KCTD19: variants seen among roughly 807,000 people sequenced by gnomAD.
The protein encoded by KCTD19 is potassium channel tetramerization domain containing 19.
Under a neutral mutation model 103.5 loss-of-function variants are expected in KCTD19, and 67 were observed. That is an observed-to-expected ratio of 0.65 (90% CI 0.53 to 0.79). The LOEUF (loss-of-function observed/expected upper bound fraction) is 0.79, where lower values mean the gene tolerates loss of function less well. Among genes scored for constraint, KCTD19 ranks in the 30% least tolerant of loss-of-function variants. The pLI, the probability that KCTD19 is intolerant of heterozygous loss-of-function variation, is 0.00. For synonymous variants in KCTD19, 439 were observed against 452.2 expected (o/e 0.97, Z 0.37); for missense variants, 980 against 1,136.1 (o/e 0.86, Z 1.98).
chr16:67,309,751 C>T lies in KCTD19; in HGVS notation c.301-5180G>A, dbSNP rs1333523060. On this transcript the variant is annotated intron_variant, in intron 2 of 15. Transcript: ENST00000304372. ...AGAAATCCCTGCCCAGGACAACACT[C>T]CTATTTGGAGGTGTTTGGTACTGGA... Among the ~76,000 whole-genome samples the T allele has an allele frequency of 2.0e-5, 3 of 152,104 alleles. No homozygotes were observed. In the East Asian group the frequency reaches 5.8e-4, roughly 29 times the overall value.
chr16:67,293,060 G>A lies in KCTD19; in HGVS notation c.2218+484C>T, dbSNP rs762381686. Among the ~76,000 whole-genome samples the A allele has an allele frequency of 3.9e-5, 6 of 152,138 alleles. No homozygotes were observed. Among genetic ancestry groups the A allele is most frequent in the Admixed American group, 1.3e-4 (2 of 15,274 alleles). On this transcript the variant is annotated intron_variant, in intron 12 of 15. Coordinates refer to ENST00000304372, the MANE Select transcript of KCTD19 (RefSeq NM_001100915.3). The surrounding 1 kb of genome is among the most constrained non-coding windows in gnomAD (Gnocchi z 4.0). ...AGCAAACTTTCTGATGGGCACACCT[G>A]ACCCCGTGCTCTTGTCTAAAATCCT...
intron 2 of KCTD19, among the ~76,000 whole-genome samples, chr16:67,319,688 TATAATAATAATA>T (rs34930442): frequency 1.1e-4 from 16 of 148,300 alleles, no homozygotes; most frequent in South Asian, 6.3e-4. Flanking sequence ...TTAAAGCTCT[TATAATAATAATA>T]ATAATAATAA....
chr16:67,324,912 G>C (rs1040596897), intron 1 of KCTD19, among the ~76,000 whole-genome samples: 29 of 152,152 alleles, frequency 1.9e-4, no homozygotes, highest in Admixed American at 1.6e-3. Flanking sequence ...AGCTAACCTA[G>C]AATTCTAAGT....
At chr16:67,296,073 A>G in intron 8 of KCTD19, 86 bp downstream of exon 8, 1 of 819,200 alleles carries the variant, frequency 1.2e-6, no homozygotes, top group Non-Finnish European at 2.2e-6. Flanking sequence ...AAGTGCTGGA[A>G]GCTGTGTGAG....
At chr16:67,304,364 GT>G in intron 3 of KCTD19, 56 bp downstream of exon 3, 1 of 1,561,696 alleles carries the variant, frequency 6.4e-7, no homozygotes, top group Non-Finnish European at 8.8e-7. Flanking sequence ...TTCTGTTAGG[GT>G]GAGGAGAGGG....
chr16:67,299,420 G>C lies in KCTD19; in HGVS notation c.929C>G (p.Thr310Arg). 6.2e-7 allele frequency: 1 copy of C among 1,614,260 alleles called. No individual in the cohort carries two copies. Among genetic ancestry groups the C allele is most frequent in the Non-Finnish European group, 8.5e-7 (1 of 1,180,040 alleles). Residue 310 changes from threonine (T) to arginine (R), a missense_variant, in exon 6 of 16, where the codon ACG becomes AGG. Coordinates refer to ENST00000304372, the MANE Select transcript of KCTD19 (RefSeq NM_001100915.3). ...SALGQLRIES[T>R]LDGSRLYITG... ...GATGTACAGTCGGCTTCCGTCTAGC[G>C]TGCTCTCGATGCGAAGCTGGCCCAG... is the stretch of plus-strand genomic sequence containing the variant.
At position 67,304,497 on chromosome 16, in the gene KCTD19, T is replaced by A; in HGVS notation, c.375A>T (p.Ala125=). The A allele has an allele frequency of 6.2e-7, 1 of 1,614,034 alleles. No individual in the cohort carries two copies. Among genetic ancestry groups the A allele is most frequent in the Non-Finnish European group, 8.5e-7 (1 of 1,179,884 alleles). Residue 125 remains alanine, a synonymous_variant, in exon 3 of 16, where the codon GCA becomes GCT. Coordinates refer to ENST00000304372, the MANE Select transcript of KCTD19 (RefSeq NM_001100915.3). ...TCCATGTACGCCAGTAGTTCAGAGA[T>A]GCTCTCTCAGCAACAGGTAGGTCTG... ...RPADLPVAER[A]SLNYWRTWKC...
rs1029869050 is a variant in KCTD19 at position 67,320,258 on chromosome 16, C to T, written c.300+331G>A. 5.3e-5 allele frequency among the ~76,000 whole-genome samples: 8 copies of T among 152,112 alleles called. No homozygotes were observed. Among genetic ancestry groups the T allele is most frequent in the African/African-American group, 1.9e-4 (8 of 41,412 alleles). ...AGGATTGGCCGGGCATGGTGGCATG[C>T]ACCTGTGTTCCCAGCTACTCAGAGG... On this transcript the variant is annotated intron_variant, in intron 2 of 15. Coordinates refer to ENST00000304372, the MANE Select transcript of KCTD19 (RefSeq NM_001100915.3). The surrounding 1 kb of genome is among the most constrained non-coding windows in gnomAD (Gnocchi z 4.0).
chr16:67,322,422 C>T (rs905338563), intron 1 of KCTD19, among the ~76,000 whole-genome samples: 1 of 152,072 alleles, frequency 6.6e-6, no homozygotes, highest in Non-Finnish European at 1.5e-5. Flanking sequence ...CCTCAGCCTC[C>T]TGAGTAGCTG....
In KCTD19 at chr16:67,291,784, C is replaced by T. The variant is rs373574510; in HGVS notation, c.2272G>A (p.Gly758Arg). The stretch of plus-strand genomic sequence containing the variant: ...GGGTGAGTCACTTTGAGGATAACCC[C>T]TAGGCTGTCCACCTCACTGGCCTCG... The part of the protein sequence containing the change: ...LPEASEVDSL[G>R]VILKVTHPPV... Residue 758 changes from glycine to arginine, a missense_variant, in exon 13 of 16, where the codon GGG becomes AGG. Transcript: ENST00000304372. The T allele has an allele frequency of 1.5e-5, 24 of 1,613,998 alleles. No individual in the cohort carries two copies. The highest frequency in any genetic ancestry group is 5.0e-5 in the Admixed American group (3 of 60,018).
rs2037097565 is a variant in KCTD19, at chr16:67,323,484, T to C, written c.4-2599A>G. The stretch of plus-strand genomic sequence containing the variant: ...GCTGCAGTGAGCTGTGATCGTGCCA[T>C]TGCACTCCAGCCTGGGCGTCAGAGT... On this transcript the variant is annotated intron_variant, in intron 1 of 15. Transcript: ENST00000304372. This position sits in a 1 kb window ranked among gnomAD's most constrained non-coding sequence, Gnocchi z 4.1. Among the ~76,000 whole-genome samples, 1 of 152,012 alleles carries C rather than the reference T, an allele frequency of 6.6e-6. No homozygotes were observed. Among genetic ancestry groups the C allele is most frequent in the Non-Finnish European group, 1.5e-5 (1 of 68,010 alleles).
chr16:67,304,830 AT>A (rs1005466116), intron 2 of KCTD19, among the ~76,000 whole-genome samples: 2 of 150,908 alleles, frequency 1.3e-5, no homozygotes, highest in East Asian at 1.9e-4. Flanking sequence ...CGCCTGGCTA[AT>A]TTTTTTTTGT....
In KCTD19 at chr16:67,303,529, G is replaced by C. The variant is rs2142510024; in HGVS notation, c.452-192C>G. Among the ~76,000 whole-genome samples, 1 of 151,208 alleles carries C rather than the reference G, an allele frequency of 6.6e-6. No homozygotes were observed. The highest frequency in any genetic ancestry group is 2.5e-5 in the African/African-American group (1 of 40,584). ...AGCCCTAAGGAGTGTGGTAGGGAGT[G>C]GGGCATGGAAGTCTATTTTTTTTTC... On this transcript the variant is annotated intron_variant, in intron 3 of 15. Transcript: ENST00000304372. The surrounding 1 kb of genome is among the most constrained non-coding windows in gnomAD (Gnocchi z 4.3).
At chr16:67,301,701 C>T (rs1480067515) in intron 5 of KCTD19, 90 bp downstream of exon 5, 8 of 1,265,164 alleles carry the variant, frequency 6.3e-6, no homozygotes, top group African/African-American at 1.5e-5. Flanking sequence ...CCCCAAAGCC[C>T]GAAGTGATTG....
intron 7 of KCTD19, among the ~76,000 whole-genome samples, chr16:67,296,764 A>G (rs768998790): frequency 3.3e-5 from 5 of 152,090 alleles, no homozygotes; most frequent in Non-Finnish European, 7.4e-5. Context: ...TTTCCTGGAG[A>G]TGACTATATG....
Position 67,322,415 on chromosome 16 carries a change from C to T in KCTD19, c.4-1530G>A, listed in dbSNP as rs537582907. On this transcript the variant is annotated intron_variant, in intron 1 of 15. Coordinates refer to ENST00000304372, the MANE Select transcript of KCTD19 (RefSeq NM_001100915.3). The stretch of plus-strand genomic sequence containing the variant: ...CCGGGTTCACTCCATTCTCCTGCCT[C>T]AGCCTCCTGAGTAGCTGGGACTACA... 8.5e-3 allele frequency among the ~76,000 whole-genome samples: 1,296 copies of T among 152,062 alleles called. 8 individuals are homozygous for T. The highest frequency in any genetic ancestry group is 0.022 in the African/African-American group (922 of 41,468).
Position 67,290,984 on chromosome 16 carries a change from G to T in KCTD19, c.2568C>A (p.Thr856=), listed in dbSNP as rs752878119. 7.4e-6 allele frequency: 12 copies of T among 1,613,938 alleles called. No homozygotes were observed. The highest frequency in any genetic ancestry group is 1.6e-4 in the Middle Eastern group (1 of 6,062). Residue 856 remains threonine, a splice_region_variant and synonymous_variant, in exon 15 of 16, where the codon ACC becomes ACA. Coordinates refer to ENST00000304372, the MANE Select transcript of KCTD19 (RefSeq NM_001100915.3). ...KVVSLANRLW[T]LHISPKQFVV... is the part of the protein sequence containing the mutation. ...CAAACTGCTTGGGGCTGATGTGCAG[G>T]GTCTGCCAGGAGAGCCCACAGTCAG...
chr16:67,321,628 G>T (rs1358611616), intron 1 of KCTD19: 1 of 151,864 alleles, frequency 6.6e-6, no homozygotes, highest in African/African-American at 2.4e-5. Flanking sequence ...AAAGGAGAAC[G>T]TTTAAGAAGT....
chr16:67,297,830 C>T (rs180685349), intron 6 of KCTD19, among the ~76,000 whole-genome samples, 167 bp from the exon 7 acceptor site: 18 of 152,090 alleles, frequency 1.2e-4, no homozygotes, highest in African/African-American at 3.9e-4. Flanking sequence ...CTCACTCTGT[C>T]GCCAGGCTGA....
Sources: gnomAD v4.1 joint callset for allele counts (sites outside exome capture counted in the v4.1 genomes callset) on GRCh38, gnomAD v4.1.1 for gene constraint, Gnocchi (gnomAD v3.1) non-coding constraint, MANE v1.5 for transcripts, NCBI Gene and HGNC (gene_info 2026-07-23, HGNC 2026-07-21) for gene names.